Variants in ANXA2R observed in about 807,000 individuals in gnomAD.
ANXA2R encodes the protein annexin-2 receptor.
For missense variants in ANXA2R, 244 were observed against 241.5 expected (o/e 1.01, Z -0.07); for synonymous variants, 93 against 93.6 (o/e 0.99, Z 0.04).
upstream of ANXA2R, chr5:43,043,189 C>A (rs990170388): frequency 1.3e-5 from 2 of 152,248 alleles, no homozygotes; most frequent in Admixed American, 6.5e-5. Flanking sequence ...GTGAAACCAG[C>A]GGCGCTGGGA....
chr5:43,041,399 C>T (rs542024755), upstream of ANXA2R: 4 of 152,012 alleles, frequency 2.6e-5, no homozygotes, highest in Non-Finnish European at 5.9e-5. Flanking sequence ...TGTTTAGCTA[C>T]GTCTAAAAAA....
upstream of ANXA2R, chr5:43,040,679 C>T (rs947719857): frequency 2.6e-5 from 4 of 152,406 alleles, no homozygotes; most frequent in Non-Finnish European, 5.9e-5. Flanking sequence ...GTGTTTTAAT[C>T]CGTTCAATGT....
chr5:43,040,257 C>A lies in ANXA2R; in HGVS notation c.-211G>T. On this transcript the variant is annotated 5_prime_UTR_variant, in exon 1 of 1. Transcript: ENST00000616064. ...ATAGAACCAAAACGAACCGTAATTC[C>A]GACAGAAAAACATGGCGAGAAAAGA... 2.1e-6 allele frequency: 1 copy of A among 470,796 alleles called. No homozygotes were observed. Among genetic ancestry groups the A allele is most frequent in the Middle Eastern group, 5.7e-4 (1 of 1,748 alleles). 29.2% of individuals were successfully genotyped at this position (470,796 alleles called of 1,614,324 possible). A position where few individuals can be genotyped will look rare whatever the true frequency, so the allele number is the denominator to read the frequency against.
chr5:43,042,308 A>G (rs886627733), upstream of ANXA2R: 1 of 152,732 alleles, frequency 6.5e-6, no homozygotes, highest in African/African-American at 2.4e-5. The surrounding 1 kb of genome is among the most constrained non-coding windows in gnomAD (Gnocchi z 5.6). Flanking sequence ...CCACCGAGAA[A>G]TGGAGGCACA....
At chr5:43,042,492 C>T (rs1428781715), upstream of ANXA2R, 1 of 153,000 alleles carries the variant, frequency 6.5e-6, no homozygotes, top group Non-Finnish European at 1.5e-5. The surrounding 1 kb of genome is among the most constrained non-coding windows in gnomAD (Gnocchi z 5.6). Context: ...CGAGAAACTC[C>T]GTGCAGCAAG....
chr5:43,039,770 A>T lies in ANXA2R; in HGVS notation c.277T>A (p.Trp93Arg). The T allele has an allele frequency of 6.2e-7, 1 of 1,614,162 alleles. No individual in the cohort carries two copies. ...PSTAKPTEFSWPGTQKQQEAP... is the reference protein window; with the variant it reads ...PSTAKPTEFSRPGTQKQQEAP... Reference sequence around the variant, plus strand: ...TCTTGCTGCTTCTGTGTCCCCGGCCAACTGAACTCAGTGGGCTTCGCTGTA... The same window carrying T: ...TCTTGCTGCTTCTGTGTCCCCGGCCTACTGAACTCAGTGGGCTTCGCTGTA... Residue 93 changes from tryptophan to arginine, a missense_variant, in exon 1 of 1, where the codon TGG becomes AGG. Trp to Arg is a moderately radical substitution (Grantham distance 101). Transcript: ENST00000616064.
At position 43,039,784 on chromosome 5, in the gene ANXA2R, G is replaced by T. The variant is rs1233593632; in HGVS notation, c.263C>A (p.Pro88His). ...TGTCCCCGGCCAACTGAACTCAGTG[G>T]GCTTCGCTGTACTTGGTTCCAAGGT... ...QSTLEPSTAK[P>H]TEFSWPGTQK... The change falls in exon 1 of 1, where the codon CCC becomes CAC. Residue 88 changes from proline (P) to histidine (H), a missense_variant. Coordinates refer to ENST00000616064, the MANE Select transcript of ANXA2R (RefSeq NM_001014279.3). 1.9e-6 allele frequency: 3 copies of T among 1,614,206 alleles called. No individual in the cohort carries two copies. In the Admixed American group the frequency reaches 5.0e-5, roughly 27 times the overall value.
Position 43,039,822 on chromosome 5 carries a change from A to C in ANXA2R, c.225T>G (p.Pro75=), listed in dbSNP as rs751388040. ...TTGGTTCCAAGGTGCTCTGGACTCC[A>C]GGAGAGAGTCCGTTTTGCCAGTAGA... The part of the protein sequence containing the change: ...PGVYWQNGLS[P]GVQSTLEPST... The change falls in exon 1 of 1, where the codon CCT becomes CCG. Residue 75 remains proline (P), a synonymous_variant. Transcript: ENST00000616064. 1.3e-5 allele frequency: 21 copies of C among 1,614,234 alleles called. No homozygotes were observed. Among genetic ancestry groups the C allele is most frequent in the Non-Finnish European group, 1.8e-5 (21 of 1,180,030 alleles).
Position 43,039,797 on chromosome 5 carries a change from TTG to T in ANXA2R, c.248_249del (p.Pro83GlnfsTer7), listed in dbSNP as rs1742155780. 1 of 1,614,098 alleles carries T rather than the reference TTG, an allele frequency of 6.2e-7. No individual in the cohort carries two copies. Among genetic ancestry groups the T allele is most frequent in the Non-Finnish European group, 8.5e-7 (1 of 1,180,050 alleles). ...CTGAACTCAGTGGGCTTCGCTGTAC[TTG>T]GTTCCAAGGTGCTCTGGACTCCAGG... On this transcript the variant is annotated frameshift_variant, in exon 2 of 2. Transcript: ENST00000314890. LOFTEE classifies it low-confidence loss of function (END_TRUNC).
rs1386837758 is a variant in ANXA2R at position 43,039,793 on chromosome 5, G to A, written c.254C>T (p.Thr85Ile). 1.2e-6 allele frequency: 2 copies of A among 1,614,206 alleles called. No individual in the cohort carries two copies. Among genetic ancestry groups the A allele is most frequent in the South Asian group, 1.1e-5 (1 of 91,086 alleles). The change falls in exon 1 of 1, where the codon ACA (threonine) becomes ATA (isoleucine). Residue 85 changes from threonine to isoleucine, a missense_variant. Physicochemically the swap from Thr to Ile is moderately conservative, Grantham distance 89. Coordinates refer to ENST00000616064, the MANE Select transcript of ANXA2R (RefSeq NM_001014279.3). Reference sequence around the variant, plus strand: ...CCAACTGAACTCAGTGGGCTTCGCTGTACTTGGTTCCAAGGTGCTCTGGAC... The same window carrying A: ...CCAACTGAACTCAGTGGGCTTCGCTATACTTGGTTCCAAGGTGCTCTGGAC... ...PGVQSTLEPS[T>I]AKPTEFSWPG...
chr5:43,042,758 C>T (rs1272199347), upstream of ANXA2R: 1 of 152,788 alleles, frequency 6.5e-6, no homozygotes, highest in Non-Finnish European at 1.5e-5. This position sits in a 1 kb window ranked among gnomAD's most constrained non-coding sequence, Gnocchi z 5.6. Context: ...AAGTTGCCCA[C>T]GTGGCGGTGG....
At chr5:43,041,487 G>A (rs1742193739), upstream of ANXA2R, 1 of 150,412 alleles carries the variant, frequency 6.6e-6, no homozygotes, top group Admixed American at 6.6e-5. Context: ...TTGTCAAAGG[G>A]AGCTTGGTAA....
chr5:43,039,795 A>G lies in ANXA2R; in HGVS notation c.252T>C (p.Ser84=), dbSNP rs1450389176. 2 of 1,614,038 alleles carry G rather than the reference A, an allele frequency of 1.2e-6. No individual in the cohort carries two copies. Among genetic ancestry groups the G allele is most frequent in the Middle Eastern group, 1.6e-4 (1 of 6,084 alleles). ...AACTGAACTCAGTGGGCTTCGCTGT[A>G]CTTGGTTCCAAGGTGCTCTGGACTC... ...SPGVQSTLEP[S]TAKPTEFSWP... Residue 84 remains serine, a synonymous_variant, in exon 1 of 1, where the codon AGT becomes AGC. Transcript: ENST00000616064.
In ANXA2R at chr5:43,039,871, C is replaced by T. The variant is rs769013550; in HGVS notation, c.176G>A (p.Ser59Asn). The change falls in exon 1 of 1, where the codon AGC becomes AAC. Residue 59 changes from serine (S) to asparagine (N), a missense_variant. By Grantham distance (46) the Ser-to-Asn change is conservative (BLOSUM62 1). Coordinates refer to ENST00000616064, the MANE Select transcript of ANXA2R (RefSeq NM_001014279.3). The stretch of plus-strand genomic sequence containing the variant: ...GACTCCGGGCAGCCGCCAGCAAGGG[C>T]TGGAAAGCAGTCCCAAATCACAGCT... Reference protein sequence around the residue: ...LDSCDLGLLSSPCWRLPGVYW... With the variant: ...LDSCDLGLLSNPCWRLPGVYW... 4 of 1,614,272 alleles carry T rather than the reference C, an allele frequency of 2.5e-6. 1 individual carries two copies. The East Asian group carries it at 6.7e-5, about 27-fold the overall frequency.
chr5:43,039,618 G>A lies in ANXA2R; in HGVS notation c.429C>T (p.Cys143=). The A allele has an allele frequency of 6.2e-7, 1 of 1,613,944 alleles. No individual in the cohort carries two copies. ...CAGGAGGATGGCGGCGTTCCAAAAG[G>A]CACCCGCTGTCACAGACCTCGGTGT... ...QQDTEVCDSG[C]LLERRHPPAL... Residue 143 remains cysteine (C), a synonymous_variant, in exon 1 of 1, where the codon TGC becomes TGT. Coordinates refer to ENST00000616064, the MANE Select transcript of ANXA2R (RefSeq NM_001014279.3).
upstream of ANXA2R, chr5:43,042,324 G>A (rs949835497): frequency 6.5e-6 from 1 of 152,712 alleles, no homozygotes; most frequent in Non-Finnish European, 1.5e-5. The surrounding 1 kb of genome is among the most constrained non-coding windows in gnomAD (Gnocchi z 5.6). Context: ...GCACAGAGCT[G>A]TGAACAAGAG....
At position 43,039,459 on chromosome 5, in the gene ANXA2R, T is replaced by G; in HGVS notation, c.*6A>C. On this transcript the variant is annotated 3_prime_UTR_variant, in exon 1 of 1. Coordinates refer to ENST00000616064, the MANE Select transcript of ANXA2R (RefSeq NM_001014279.3). ...GAGGAGAATCCAAAAAGCCTTCTGCTGCTATCTAAGGCTGCTTAGCTCCAC... is the reference window on the plus strand; with the variant it reads ...GAGGAGAATCCAAAAAGCCTTCTGCGGCTATCTAAGGCTGCTTAGCTCCAC... 6.6e-7 allele frequency: 1 copy of G among 1,507,822 alleles called. No homozygotes were observed. Among genetic ancestry groups the G allele is most frequent in the South Asian group, 1.3e-5 (1 of 74,266 alleles). 93.4% of individuals were successfully genotyped at this position (1,507,822 alleles called of 1,614,324 possible).
In ANXA2R at chr5:43,039,784, G is replaced by A. The variant is rs1233593632; in HGVS notation, c.263C>T (p.Pro88Leu). 4 of 1,614,088 alleles carry A rather than the reference G, an allele frequency of 2.5e-6. No homozygotes were observed. Among genetic ancestry groups the A allele is most frequent in the Non-Finnish European group, 3.4e-6 (4 of 1,180,046 alleles). Residue 88 changes from proline (P) to leucine (L), a missense_variant, in exon 1 of 1, where the codon CCC becomes CTC. By Grantham distance (98) the Pro-to-Leu change is moderately conservative (BLOSUM62 -3). Transcript: ENST00000616064. Reference sequence around the variant, plus strand: ...TGTCCCCGGCCAACTGAACTCAGTGGGCTTCGCTGTACTTGGTTCCAAGGT... The same window carrying A: ...TGTCCCCGGCCAACTGAACTCAGTGAGCTTCGCTGTACTTGGTTCCAAGGT... ...QSTLEPSTAKPTEFSWPGTQK... is the reference protein window; with the variant it reads ...QSTLEPSTAKLTEFSWPGTQK...
rs759777326 is a variant in ANXA2R at position 43,039,501 on chromosome 5, C to T, written c.546G>A (p.Ala182=). Reference sequence around the variant, plus strand: ...TAGCTCCACAGATCCGTGAACAGCACGCCCAGAGTACAGAGAACGCGGCAA... The same window carrying T: ...TAGCTCCACAGATCCGTGAACAGCATGCCCAGAGTACAGAGAACGCGGCAA... ...VGFAAFSVLW[A]CCSRICGAKQ... is the part of the protein sequence containing the mutation. The change falls in exon 1 of 1, where the codon GCG becomes GCA. Residue 182 remains alanine, a synonymous_variant. Transcript: ENST00000616064. 37 of 1,596,662 alleles carry T rather than the reference C, an allele frequency of 2.3e-5. No homozygotes were observed. In the South Asian group the frequency reaches 4.0e-4, roughly 17 times the overall value.
Sources: allele counts gnomAD v4.1 joint callset, GRCh38; gene constraint gnomAD v4.1.1; non-coding constraint Gnocchi (gnomAD v3.1); transcripts MANE v1.5; gene names NCBI Gene and HGNC (gene_info 2026-07-23, HGNC 2026-07-21).